Variants in ARHGAP26 observed in about 807,000 individuals in gnomAD.
ARHGAP26 encodes the protein rho GTPase-activating protein 26.
A neutral mutation model predicts 104.8 loss-of-function variants in ARHGAP26; 38 were observed. That is an observed-to-expected ratio of 0.36 (90% CI 0.28 to 0.48). ARHGAP26 has a LOEUF of 0.48. Ranked by LOEUF, ARHGAP26 falls within the 20% of genes least tolerant of loss-of-function variation. ARHGAP26 has a pLI of 0.99. For synonymous variants in ARHGAP26, 341 were observed against 340.0 expected (o/e 1.00, Z -0.03); for missense variants, 704 against 947.9 (o/e 0.74, Z 3.38).
chr5:143,113,787 G>T (rs144727299), intron 17 of ARHGAP26, among the ~76,000 whole-genome samples: 3 of 152,332 alleles, frequency 2.0e-5, no homozygotes, highest in African/African-American at 7.2e-5. Flanking sequence ...GAATGAGGGA[G>T]AGGCCCTCTT....
intron 11 of ARHGAP26, among the ~76,000 whole-genome samples, chr5:142,945,358 G>A (rs1766948913): frequency 6.6e-6 from 1 of 152,162 alleles, no homozygotes; most frequent in South Asian, 2.1e-4. Context: ...GGCAGTCTCT[G>A]TTCTGCCTGC....
In ARHGAP26 at chr5:143,202,802, C is replaced by T. The variant is rs1364805534; in HGVS notation, c.1989-4396C>T. The T allele has an allele frequency of 3.9e-5, 6 of 152,128 alleles. No homozygotes were observed. The East Asian group carries it at 5.8e-4, about 15-fold the overall frequency. The allele number at this position is 152,128 out of a possible 1,614,324, so 9.4% of individuals were successfully genotyped here. Reference sequence around the variant, plus strand: ...CTACAACCATCTGATCTCTGACAAACCTGATAAAAACAAGCAATGGGGAAA... The same window carrying T: ...CTACAACCATCTGATCTCTGACAAATCTGATAAAAACAAGCAATGGGGAAA... On this transcript the variant is annotated intron_variant, in intron 20 of 22. Transcript: ENST00000645722.
chr5:143,019,859 C>T (rs896905289), intron 12 of ARHGAP26, among the ~76,000 whole-genome samples: 3 of 152,226 alleles, frequency 2.0e-5, no homozygotes, highest in Admixed American at 2.0e-4. Context: ...AGAGAGGGCT[C>T]AGTCTCCTAA....
At chr5:142,942,158 G>A (rs1010279753) in intron 11 of ARHGAP26, among the ~76,000 whole-genome samples, 3 of 152,234 alleles carry the variant, frequency 2.0e-5, no homozygotes, top group Admixed American at 6.5e-5. Context: ...AGTTGCCTTC[G>A]TTATCTGAGA....
chr5:143,045,498 G>C (rs920598494), intron 14 of ARHGAP26, among the ~76,000 whole-genome samples: 2 of 152,202 alleles, frequency 1.3e-5, no homozygotes, highest in African/African-American at 4.8e-5. Flanking sequence ...CTTGGTACTG[G>C]TAGTGTCTGG....
chr5:142,844,596 G>GGCTC (rs1025461324), intron 1 of ARHGAP26, among the ~76,000 whole-genome samples: 2 of 151,926 alleles, frequency 1.3e-5, no homozygotes, highest in Admixed American at 1.3e-4. Flanking sequence ...TGGGCGTAGT[G>GGCTC]GCTCACGTCT....
At position 142,972,700 on chromosome 5, in the gene ARHGAP26, A is replaced by G. The variant is rs376307859; in HGVS notation, c.1107+40575A>G. On this transcript the variant is annotated intron_variant, in intron 11 of 22. Coordinates refer to ENST00000645722, the MANE Select transcript of ARHGAP26 (RefSeq NM_001135608.3). The stretch of plus-strand genomic sequence containing the variant: ...TCATTTAGCAGAAATCCTGAATGCA[A>G]TACACATTATTAACTGTAGTCTTCC... Among the ~76,000 whole-genome samples, 43 of 152,258 alleles carry G rather than the reference A, an allele frequency of 2.8e-4. 1 individual carries two copies. The East Asian group carries it at 6.4e-3, about 23-fold the overall frequency.
At chr5:142,941,757 T>C (rs1313032346) in intron 11 of ARHGAP26, among the ~76,000 whole-genome samples, 1 of 152,188 alleles carries the variant, frequency 6.6e-6, no homozygotes, top group African/African-American at 2.4e-5. Context: ...GTTACAAGGT[T>C]GGAGAAAAGA....
intron 18 of ARHGAP26, among the ~76,000 whole-genome samples, chr5:143,124,818 G>T (rs962452912): frequency 6.6e-6 from 1 of 152,208 alleles, no homozygotes; most frequent in African/African-American, 2.4e-5. Flanking sequence ...ATTGTTGACC[G>T]TTATCTCTGC....
intron 18 of ARHGAP26, among the ~76,000 whole-genome samples, chr5:143,123,964 AAC>A (rs34527854): frequency 0.083 from 12,512 of 151,060 alleles, 1,098 homozygotes; most frequent in African/African-American, 0.21. Flanking sequence ...CTGTAATAGA[AAC>A]ACACACACAC....
chr5:143,088,482 G>A (rs1367842207), intron 17 of ARHGAP26, among the ~76,000 whole-genome samples: 2 of 150,022 alleles, frequency 1.3e-5, no homozygotes, highest in Non-Finnish European at 3.0e-5. Context: ...AAAAAAAAAA[G>A]TGGTTATGTC....
chr5:142,818,159 C>T (rs6889140), intron 1 of ARHGAP26, among the ~76,000 whole-genome samples: 3,364 of 151,880 alleles, frequency 0.022, 81 homozygotes, highest in African/African-American at 0.06. Context: ...GGAAGTGTAT[C>T]TTTCCTTCCA....
At chr5:142,857,680 T>C (rs1752590406) in intron 1 of ARHGAP26, among the ~76,000 whole-genome samples, 1 of 152,182 alleles carries the variant, frequency 6.6e-6, no homozygotes, top group South Asian at 2.1e-4. Context: ...ACGGTTCTTC[T>C]CTCCTCTGGG....
intron 5 of ARHGAP26, among the ~76,000 whole-genome samples, chr5:142,890,662 C>T (rs1758531474): frequency 6.6e-6 from 1 of 152,018 alleles, no homozygotes; most frequent in Admixed American, 6.5e-5. Context: ...GATGATGTGG[C>T]TGGTTTAGGG....
At chr5:143,073,381 G>A (rs1788539725) in intron 17 of ARHGAP26, among the ~76,000 whole-genome samples, 1 of 152,150 alleles carries the variant, frequency 6.6e-6, no homozygotes. Context: ...ATAAAGTTGG[G>A]AGCATCTCTG....
intron 14 of ARHGAP26, among the ~76,000 whole-genome samples, chr5:143,047,765 ATTC>A (rs1447187971): frequency 6.6e-6 from 1 of 152,020 alleles, no homozygotes; most frequent in Non-Finnish European, 1.5e-5. Flanking sequence ...GCCTATTTGT[ATTC>A]TTAGCCTATT....
intron 12 of ARHGAP26, among the ~76,000 whole-genome samples, chr5:143,032,291 G>C (rs1781990067): frequency 6.6e-6 from 1 of 152,156 alleles, no homozygotes; most frequent in Non-Finnish European, 1.5e-5. Context: ...CTGAGGGAGG[G>C]AAGTAAACCA....
rs368605514 is a variant in ARHGAP26 at position 142,871,954 on chromosome 5, C to T, written c.155-1446C>T. On this transcript the variant is annotated intron_variant, in intron 1 of 22. Coordinates refer to ENST00000645722, the MANE Select transcript of ARHGAP26 (RefSeq NM_001135608.3). The surrounding 1 kb of genome is among the most constrained non-coding windows in gnomAD (Gnocchi z 4.1). ...GGACAAACCGCAGCTATCTCGGGAC[C>T]GTGTCATCACAGCGTGTGGGAGGGC... Among the ~76,000 whole-genome samples the T allele has an allele frequency of 3.9e-5, 6 of 152,200 alleles. No homozygotes were observed. Among genetic ancestry groups the T allele is most frequent in the African/African-American group, 9.7e-5 (4 of 41,450 alleles).
intron 20 of ARHGAP26, 152 bp from the exon 21 acceptor site, chr5:143,207,046 A>G (rs1808675740): frequency 1.2e-6 from 1 of 838,096 alleles, no homozygotes; most frequent in Non-Finnish European, 1.9e-6. Context: ...TTTGGTCTGG[A>G]GGAATGTGAC....
Sources: allele counts gnomAD v4.1 joint callset (sites outside exome capture counted in the v4.1 genomes callset), GRCh38; gene constraint gnomAD v4.1.1; non-coding constraint Gnocchi (gnomAD v3.1); transcripts MANE v1.5; gene names NCBI Gene and HGNC (gene_info 2026-07-23, HGNC 2026-07-21).